The following ZNF114 variants were observed in gnomAD, a reference collection of about 807,000 sequenced individuals.
ZNF114 encodes zinc finger protein 114, also known as zinc finger protein 114 (Y18).
ZNF114 carries 8 observed loss-of-function variants against 6.8 expected under a neutral mutation model. The observed-to-expected ratio is 1.18, with a 90% CI of 0.69 to 2.13. The LOEUF (loss-of-function observed/expected upper bound fraction) is 2.13. Ranked by LOEUF, ZNF114 falls within the 30% of genes most tolerant of loss-of-function variation. The probability of loss-of-function intolerance (pLI) is 0.00; values close to 1 mark genes in which losing one functional copy is unlikely to be tolerated. For missense variants in ZNF114, 472 were observed against 519.5 expected (o/e 0.91, Z 0.89); for synonymous variants, 169 against 185.5 (o/e 0.91, Z 0.72).
At chr19:48,276,572 A>G (rs534066234) in intron 3 of ZNF114, among the ~76,000 whole-genome samples, 9 of 152,246 alleles carry the variant, frequency 5.9e-5, no homozygotes, top group Non-Finnish European at 8.8e-5. Flanking sequence ...CCCAAGTTGG[A>G]GTGCAGTAGT....
At chr19:48,279,928 C>A in intron 4 of ZNF114, 120 bp downstream of exon 4, 1 of 1,450,914 alleles carries the variant, frequency 6.9e-7, no homozygotes, top group South Asian at 1.2e-5. Context: ...CCCCGCCAGC[C>A]GTGCTGCCCT....
chr19:48,280,389 A>C (rs1279669577), intron 4 of ZNF114, among the ~76,000 whole-genome samples: 1 of 151,932 alleles, frequency 6.6e-6, no homozygotes, highest in Admixed American at 6.6e-5. Flanking sequence ...CTCTAAAAAT[A>C]ATAATAAAGT....
intron 4 of ZNF114, among the ~76,000 whole-genome samples, chr19:48,280,437 G>T (rs1488871583): frequency 6.6e-6 from 1 of 152,036 alleles, no homozygotes; most frequent in East Asian, 1.9e-4. Context: ...AAGGAACTCA[G>T]GGTCTCACAG....
intron 3 of ZNF114, 37 bp from the exon 4 acceptor site, chr19:48,279,694 G>A: frequency 2.0e-6 from 3 of 1,463,892 alleles, no homozygotes; most frequent in South Asian, 1.1e-5. Context: ...GGGAAGGCAG[G>A]GTGCCTGGAT....
chr19:48,276,856 C>G (rs765381133), intron 3 of ZNF114, among the ~76,000 whole-genome samples: 3 of 152,186 alleles, frequency 2.0e-5, no homozygotes, highest in Non-Finnish European at 4.4e-5. Context: ...ATTCAATTGT[C>G]CCAACTAAAC....
intron 4 of ZNF114, 115 bp from the exon 5 acceptor site, chr19:48,282,256 C>G (rs755822386): frequency 1.8e-4 from 264 of 1,430,460 alleles, no homozygotes; most frequent in Middle Eastern, 7.5e-4. Context: ...ATCAGGTCAC[C>G]TTTGCAGGTA....
chr19:48,283,733 T>TG (rs1396944370), intron 5 of ZNF114, among the ~76,000 whole-genome samples: 3 of 142,356 alleles, frequency 2.1e-5, no homozygotes, highest in East Asian at 2.0e-4. Flanking sequence ...CTGGGGTTTT[T>TG]GTTTTTTTTT....
At chr19:48,280,688 G>T (rs1010535138) in intron 4 of ZNF114, among the ~76,000 whole-genome samples, 3 of 151,922 alleles carry the variant, frequency 2.0e-5, no homozygotes, top group Non-Finnish European at 2.9e-5. Flanking sequence ...GAGTAGCTGG[G>T]ATTACAGGCA....
At position 48,286,299 on chromosome 19, in the gene ZNF114, A is replaced by G. The variant is rs1227228543; in HGVS notation, c.675A>G (p.Pro225=). 5 of 1,614,234 alleles carry G rather than the reference A, an allele frequency of 3.1e-6. No individual in the cohort carries two copies. The South Asian group carries it at 5.5e-5, about 18-fold the overall frequency. Residue 225 remains proline (P), a synonymous_variant, in exon 6 of 6, where the codon CCA becomes CCG. Transcript: ENST00000595607. The part of the protein sequence containing the change: ...DTGANRHQRN[P]FGKAFREDGS... The stretch of plus-strand genomic sequence containing the variant: ...GGGCCAACAGGCACCAGCGGAATCC[A>G]TTTGGAAAAGCTTTCCGTGAAGACG...
chr19:48,286,470 G>A lies in ZNF114; in HGVS notation c.846G>A (p.Gly282=). The change falls in exon 6 of 6, where the codon GGG becomes GGA. Residue 282 remains glycine (G), a synonymous_variant. Coordinates refer to ENST00000595607, the MANE Select transcript of ZNF114 (RefSeq NM_153608.4). Reference sequence around the variant, plus strand: ...CAAACAAGAAGGATTGTCAAACTGGGGCAACCTCTGCCAACGCTCCAAATT... The same window carrying A: ...CAAACAAGAAGGATTGTCAAACTGGAGCAACCTCTGCCAACGCTCCAAATT... ...AETNKKDCQT[G]ATSANAPNSG... The A allele has an allele frequency of 6.2e-7, 1 of 1,614,146 alleles. No homozygotes were observed. Among genetic ancestry groups the A allele is most frequent in the South Asian group, 1.1e-5 (1 of 91,076 alleles).
rs778969050 is a variant in ZNF114 at position 48,285,775 on chromosome 19, T to C, written c.151T>C (p.Cys51Arg). 9 of 1,607,228 alleles carry C rather than the reference T, an allele frequency of 5.6e-6. No individual in the cohort carries two copies. The highest frequency in any genetic ancestry group is 7.6e-6 in the Non-Finnish European group (9 of 1,177,996). Reference protein sequence around the residue: ...NLAFIDWATPCKTKDATPQPD... With the variant: ...NLAFIDWATPRKTKDATPQPD... Reference sequence around the variant, plus strand: ...CTGTATTTCAGATTGGGCAACTCCATGTAAAACCAAAGACGCAACCCCTCA... The same window carrying C: ...CTGTATTTCAGATTGGGCAACTCCACGTAAAACCAAAGACGCAACCCCTCA... The change falls in exon 6 of 6, where the codon TGT becomes CGT. Residue 51 changes from cysteine (C) to arginine (R), a missense_variant. Physicochemically the swap from Cys to Arg is radical, Grantham distance 180 (BLOSUM62 -3). Coordinates refer to ENST00000595607, the MANE Select transcript of ZNF114 (RefSeq NM_153608.4).
At position 48,286,364 on chromosome 19, in the gene ZNF114, T is replaced by G. The variant is rs1968129782; in HGVS notation, c.740T>G (p.Met247Arg). 1 of 1,614,002 alleles carries G rather than the reference T, an allele frequency of 6.2e-7. No homozygotes were observed. Among genetic ancestry groups the G allele is most frequent in the African/African-American group, 1.3e-5 (1 of 74,902 alleles). Residue 247 changes from methionine (M) to arginine (R), a missense_variant, in exon 6 of 6, where the codon ATG becomes AGG. Met to Arg is a moderately conservative substitution (Grantham distance 91). Transcript: ENST00000595607. ...CACAACACTCATGGTCGAGAGAAAA[T>G]GTATGATTTTACTCAGTGCGAGAAC... is the stretch of plus-strand genomic sequence containing the variant. ...RAHNTHGREK[M>R]YDFTQCENTS...
intron 5 of ZNF114, among the ~76,000 whole-genome samples, 196 bp downstream of exon 5, chr19:48,282,693 ATATTTTATTTTATTT>A (rs139550788): frequency 6.7e-6 from 1 of 149,886 alleles, no homozygotes; most frequent in Non-Finnish European, 1.5e-5. Flanking sequence ...ATTTTATTTT[ATATTTTATTTTATTT>A]TATTTTATTT....
Position 48,272,950 on chromosome 19 carries a change from C to T in ZNF114, c.-70+1122C>T, listed in dbSNP as rs8109697. 1.2e-3 allele frequency among the ~76,000 whole-genome samples: 180 copies of T among 152,060 alleles called. 1 individual carries two copies. Among genetic ancestry groups the T allele is most frequent in the African/African-American group, 4.1e-3 (171 of 41,534 alleles). On this transcript the variant is annotated intron_variant, in intron 3 of 5. Coordinates refer to ENST00000595607, the MANE Select transcript of ZNF114 (RefSeq NM_153608.4). ...AGCTGGGACTACAGGCGCCCGCCAC[C>T]GCGCCCGGCTAATTTTTTGTATTTT...
intron 4 of ZNF114, among the ~76,000 whole-genome samples, chr19:48,281,228 G>A (rs1210208858): frequency 6.6e-6 from 1 of 152,198 alleles, no homozygotes; most frequent in Admixed American, 6.5e-5. Flanking sequence ...GGCTGTTCAG[G>A]CTGATGAAAC....
At position 48,285,926 on chromosome 19, in the gene ZNF114, A is replaced by AG; in HGVS notation, c.307dup (p.Val103GlyfsTer3). 1 of 1,614,170 alleles carries AG rather than the reference A, an allele frequency of 6.2e-7. No individual in the cohort carries two copies. On this transcript the variant is annotated frameshift_variant, in exon 6 of 6. Coordinates refer to ENST00000595607, the MANE Select transcript of ZNF114 (RefSeq NM_153608.4). LOFTEE classifies it low-confidence loss of function (END_TRUNC). Reference sequence around the variant, plus strand: ...CCCAAAACAGAGGAACCACACAGGCAGGGGGTGAATAATGTGAAGCCACCT... The same window carrying AG: ...CCCAAAACAGAGGAACCACACAGGCAGGGGGGTGAATAATGTGAAGCCACCT...
intron 5 of ZNF114, among the ~76,000 whole-genome samples, chr19:48,284,593 G>T (rs1968071269): frequency 6.6e-6 from 1 of 152,066 alleles, no homozygotes; most frequent in African/African-American, 2.4e-5. Context: ...ACCATGCCCA[G>T]CTAATTTTTC....
In ZNF114 at chr19:48,286,082, G is replaced by A. The variant is rs183328735; in HGVS notation, c.458G>A (p.Arg153His). ...GDSIRQCILT[R>H]DSSIFKYNPV... The stretch of plus-strand genomic sequence containing the variant: ...TCCATAAGACAATGTATCCTAACAC[G>A]TGACTCAAGTATTTTCAAGTATAAT... The change falls in exon 6 of 6, where the codon CGT becomes CAT. Residue 153 changes from arginine (R) to histidine (H), a missense_variant. Coordinates refer to ENST00000595607, the MANE Select transcript of ZNF114 (RefSeq NM_153608.4). The A allele has an allele frequency of 1.3e-5, 21 of 1,614,032 alleles. No homozygotes were observed. The African/African-American group carries it at 1.3e-4, about 10-fold the overall frequency.
intron 1 of ZNF114, among the ~76,000 whole-genome samples, chr19:48,270,717 GAAGA>G (rs1470730870): frequency 1.4e-5 from 2 of 142,454 alleles, no homozygotes; most frequent in African/African-American, 2.9e-5. Context: ...GAAAGAAAGA[GAAGA>G]AAGAAAGAGA....
Sources: allele counts gnomAD v4.1 joint callset (sites outside exome capture counted in the v4.1 genomes callset), GRCh38; gene constraint gnomAD v4.1.1; transcripts MANE v1.5; gene names NCBI Gene and HGNC (gene_info 2026-07-23, HGNC 2026-07-21).